MAP3K1: variants seen among roughly 807,000 people sequenced by gnomAD.
The protein encoded by MAP3K1 is MAP/ERK kinase kinase 1.
In MAP3K1, 36 loss-of-function variants were observed where a neutral mutation model predicts 144.2. The observed-to-expected ratio is 0.25, with a 90% CI of 0.19 to 0.33. The LOEUF (loss-of-function observed/expected upper bound fraction) is 0.33. Ranked by LOEUF, MAP3K1 falls within the 10% of genes least tolerant of loss-of-function variation. MAP3K1 has a pLI of 1.00. For missense variants in MAP3K1, 1,650 were observed against 1,881.9 expected (o/e 0.88, Z 2.28); for synonymous variants, 718 against 688.7 (o/e 1.04, Z -0.67).
intron 6 of MAP3K1, among the ~76,000 whole-genome samples, chr5:56,869,487 CAAAAA>C (rs11342842): frequency 2.6e-5 from 4 of 151,774 alleles, no homozygotes; most frequent in African/African-American, 9.7e-5. Context: ...GTTGCCACAA[CAAAAA>C]AAAGAATTAT....
intron 6 of MAP3K1, among the ~76,000 whole-genome samples, chr5:56,866,868 T>C (rs769563670): frequency 1.3e-4 from 20 of 152,194 alleles, no homozygotes; most frequent in African/African-American, 4.8e-4. Flanking sequence ...TCCTAGAGTT[T>C]TACGAGTTTT....
intron 5 of MAP3K1, 33 bp from the exon 6 acceptor site, chr5:56,865,796 A>C: frequency 6.2e-7 from 1 of 1,608,726 alleles, no homozygotes; most frequent in Non-Finnish European, 8.5e-7. Flanking sequence ...TTATGGCACA[A>C]ATATCATTGT....
In MAP3K1 at chr5:56,882,795, C is replaced by G; in HGVS notation, c.3595C>G (p.Gln1199Glu). Residue 1199 changes from glutamine (Q) to glutamate (E), a missense_variant, in exon 14 of 20, where the codon CAG (glutamine) becomes GAG (glutamate). Physicochemically the swap from Gln to Glu is conservative, Grantham distance 29. This residue lies in a region of MAP3K1 where 841 missense variants were observed against 886.5 expected (regional missense o/e 0.95). Coordinates refer to ENST00000399503, the MANE Select transcript of MAP3K1 (RefSeq NM_005921.2). ...LAIAMAMSAS[Q>E]DALPIVPQLQ... ...AATTGCCATGGCAATGTCAGCGTCT[C>G]AGGATGCCCTCCCCATAGTTCCTCA... 6.2e-7 allele frequency: 1 copy of G among 1,611,724 alleles called. No individual in the cohort carries two copies. Among genetic ancestry groups the G allele is most frequent in the Non-Finnish European group, 8.5e-7 (1 of 1,179,198 alleles).
intron 11 of MAP3K1, 51 bp from the exon 12 acceptor site, chr5:56,880,660 T>G: frequency 8.3e-7 from 1 of 1,201,162 alleles, no homozygotes; most frequent in Non-Finnish European, 1.2e-6. Context: ...TAATATTGTA[T>G]AGTGTTTTAG....
At chr5:56,830,071 A>G (rs1746439906) in intron 1 of MAP3K1, among the ~76,000 whole-genome samples, 1 of 152,164 alleles carries the variant, frequency 6.6e-6, no homozygotes, top group Non-Finnish European at 1.5e-5. Context: ...TTCTTGGACT[A>G]AGTGTTGGTG....
chr5:56,817,038 C>T, intron 1 of MAP3K1: 1 of 985,208 alleles, frequency 1.0e-6, no homozygotes, highest in Non-Finnish European at 1.2e-6. Context: ...GGGCCGCCCG[C>T]TGAATTCCAG....
At chr5:56,848,467 C>A (rs1358140846) in intron 1 of MAP3K1, among the ~76,000 whole-genome samples, 2 of 152,088 alleles carry the variant, frequency 1.3e-5, no homozygotes, top group Non-Finnish European at 2.9e-5. Flanking sequence ...GTTTATCAAG[C>A]CCATGACATC....
chr5:56,889,098 C>T (rs542145693), intron 19 of MAP3K1, among the ~76,000 whole-genome samples: 4 of 152,140 alleles, frequency 2.6e-5, no homozygotes, highest in South Asian at 4.1e-4. Context: ...ACTTTAAAAA[C>T]GTGAAATTCA....
At chr5:56,885,290 TAC>T (rs1176362231) in intron 16 of MAP3K1, among the ~76,000 whole-genome samples, 1 of 152,210 alleles carries the variant, frequency 6.6e-6, no homozygotes, top group African/African-American at 2.4e-5. Flanking sequence ...ATACAATGTA[TAC>T]AATAAAATTA....
intron 6 of MAP3K1, among the ~76,000 whole-genome samples, chr5:56,869,131 A>G (rs939655148): frequency 2.0e-5 from 3 of 151,788 alleles, no homozygotes; most frequent in Admixed American, 6.6e-5. Context: ...TTAGCCAGGC[A>G]TGGGTGGCAT....
chr5:56,887,664 C>G (rs1440619873), intron 18 of MAP3K1, 144 bp downstream of exon 18: 3 of 846,012 alleles, frequency 3.5e-6, no homozygotes, highest in Non-Finnish European at 5.9e-6. Context: ...TTAATAATAT[C>G]TTTCAGACCC....
chr5:56,843,540 T>C (rs1036987247), intron 1 of MAP3K1, among the ~76,000 whole-genome samples: 1 of 152,098 alleles, frequency 6.6e-6, no homozygotes, highest in African/African-American at 2.4e-5. Flanking sequence ...TTTGGTTTGG[T>C]TTGGTTTGGT....
rs147343983 is a variant in MAP3K1, at chr5:56,863,465, C to G, written c.835-1269C>G. On this transcript the variant is annotated intron_variant, in intron 3 of 19. Coordinates refer to ENST00000399503, the MANE Select transcript of MAP3K1 (RefSeq NM_005921.2). ...ATCATATTTTCAAGGTTCATCCATG[C>G]TATAGCATGTGTTAGTACTCCATTT... 6.1e-3 allele frequency among the ~76,000 whole-genome samples: 931 copies of G among 152,298 alleles called. 4 individuals carry two copies. Among genetic ancestry groups the G allele is most frequent in the Non-Finnish European group, 9.5e-3 (643 of 68,026 alleles).
At chr5:56,833,860 A>G (rs1322342801) in intron 1 of MAP3K1, among the ~76,000 whole-genome samples, 1 of 152,116 alleles carries the variant, frequency 6.6e-6, no homozygotes, top group Non-Finnish European at 1.5e-5. Flanking sequence ...TTATTCTGTT[A>G]CTGGTGGTTG....
Position 56,887,463 on chromosome 5 carries a change from T to C in MAP3K1, c.4200T>C (p.Thr1400=), listed in dbSNP as rs370770222. 1.7e-5 allele frequency: 27 copies of C among 1,614,048 alleles called. No individual in the cohort carries two copies. In the African/African-American group the frequency reaches 3.6e-4, roughly 22 times the overall value. Residue 1400 remains threonine (T), a synonymous_variant, in exon 18 of 20, where the codon ACT becomes ACC. Transcript: ENST00000399503. ...CAGCCAGGTTGGCATCAAAAGGAAC[T>C]GGTGCAGGAGAGTTTCAGGGACAAT... is the stretch of plus-strand genomic sequence containing the variant. ...GAAARLASKG[T]GAGEFQGQLL... is the part of the protein sequence containing the mutation.
intron 1 of MAP3K1, among the ~76,000 whole-genome samples, chr5:56,853,897 C>A (rs535906482): frequency 6.6e-6 from 1 of 152,052 alleles, no homozygotes; most frequent in Admixed American, 6.6e-5. Context: ...AGTCTAAGCC[C>A]GGGGGGAACC....
In MAP3K1 at chr5:56,864,833, A is replaced by T. The variant is rs376808920; in HGVS notation, c.934A>T (p.Met312Leu). The T allele has an allele frequency of 1.0e-4, 168 of 1,614,038 alleles. 6 individuals are homozygous for T. The highest frequency in any genetic ancestry group is 5.6e-4 in the East Asian group (25 of 44,892). Residue 312 changes from methionine (M) to leucine (L), a missense_variant, in exon 4 of 20, where the codon ATG becomes TTG. Coordinates refer to ENST00000399503, the MANE Select transcript of MAP3K1 (RefSeq NM_005921.2). ...AACAAACCGCCGTGTTAACAAAGTG[A>T]TGCGGGCCAGACTGTACTTACTGCA... The part of the protein sequence containing the change: ...EETNRRVNKV[M>L]RARLYLLQQI...
chr5:56,828,826 TGACTTCTTCTTG>T (rs1746395138), intron 1 of MAP3K1, among the ~76,000 whole-genome samples: 1 of 152,296 alleles, frequency 6.6e-6, no homozygotes, highest in South Asian at 2.1e-4. Context: ...GCTTCTTCTT[TGACTTCTTCTTG>T]TGTTTATTTA....
intron 1 of MAP3K1, chr5:56,820,414 A>T: frequency 1.0e-6 from 1 of 984,314 alleles, no homozygotes. Flanking sequence ...TTTGTTTTGC[A>T]GGCATTCTAA....
Sources: gnomAD v4.1 joint callset for allele counts (sites outside exome capture counted in the v4.1 genomes callset) on GRCh38, gnomAD v4.1.1 for gene constraint, gnomAD v4.1.1 regional missense constraint, MANE v1.5 for transcripts, NCBI Gene and HGNC (gene_info 2026-07-23, HGNC 2026-07-21) for gene names.